HLCS: variants seen among roughly 807,000 people sequenced by gnomAD.
HLCS encodes the protein holocarboxylase synthetase, also known as biotin--protein ligase.
Under a neutral mutation model 75.0 loss-of-function variants are expected in HLCS, and 53 were observed. The observed-to-expected ratio is 0.71, with a 90% CI of 0.57 to 0.89. The LOEUF (loss-of-function observed/expected upper bound fraction) is 0.89. Ranked by LOEUF, HLCS falls within the 40% of genes least tolerant of loss-of-function variation. The pLI is 0.00. For missense variants in HLCS, 966 were observed against 1,074.0 expected, an observed-to-expected ratio of 0.90 and a Z score of 1.41; for synonymous variants, 431 against 428.6, an observed-to-expected ratio of 1.01 and a Z score of -0.07.
intron 5 of HLCS, among the ~76,000 whole-genome samples, chr21:36,898,038 G>A (rs2078188762): frequency 6.6e-6 from 1 of 152,208 alleles, no homozygotes; most frequent in Non-Finnish European, 1.5e-5. Flanking sequence ...CTACAGAGTA[G>A]TGGCATCAGA....
intron 1 of HLCS, among the ~76,000 whole-genome samples, chr21:36,988,192 T>C (rs2069264447): frequency 6.6e-6 from 1 of 152,190 alleles, no homozygotes; most frequent in Admixed American, 6.5e-5. Context: ...ATCCACCCAC[T>C]GCAAGTAGCC....
chr21:36,865,570 T>C (rs2063526666), intron 6 of HLCS, among the ~76,000 whole-genome samples: 1 of 152,194 alleles, frequency 6.6e-6, no homozygotes, highest in East Asian at 1.9e-4. Flanking sequence ...CTGCCTCTCC[T>C]AAACATACCC....
rs1016000394 is a variant in HLCS, at chr21:36,890,352, T to A, written c.1892+6508A>T. On this transcript the variant is annotated intron_variant, in intron 6 of 10. Coordinates refer to ENST00000674895, the MANE Select transcript of HLCS (RefSeq NM_001352514.2). ...CAGAGAAAATGACTGGAGCCCAGGA[T>A]AAAGGATGAAATCACGTTTTCTAAG... Among the ~76,000 whole-genome samples the A allele has an allele frequency of 5.9e-5, 9 of 152,202 alleles. No individual in the cohort carries two copies. The South Asian group carries it at 1.7e-3, about 28-fold the overall frequency.
chr21:36,902,411 T>A (rs946745647), intron 5 of HLCS, among the ~76,000 whole-genome samples: 1 of 152,098 alleles, frequency 6.6e-6, no homozygotes, highest in African/African-American at 2.4e-5. Flanking sequence ...CCCATAGGGA[T>A]GGGGGTGGCT....
At position 36,750,471 on chromosome 21, in the gene HLCS, G is replaced by T. The variant is rs1006676970; in HGVS notation, c.*3775C>A. 2.6e-5 allele frequency among the ~76,000 whole-genome samples: 4 copies of T among 152,106 alleles called. No homozygotes were observed. The highest frequency in any genetic ancestry group is 5.9e-5 in the Non-Finnish European group (4 of 68,018). On this transcript the variant is annotated 3_prime_UTR_variant, in exon 11 of 11. Coordinates refer to ENST00000674895, the MANE Select transcript of HLCS (RefSeq NM_001352514.2). ...GTATCTGCAAGAGCCTGTATTTTCC[G>T]CCTCCCTTGCCCCCACTCCTTTTAT...
intron 6 of HLCS, among the ~76,000 whole-genome samples, chr21:36,890,310 T>C (rs1229713163): frequency 6.6e-6 from 1 of 152,192 alleles, no homozygotes; most frequent in African/African-American, 2.4e-5. Flanking sequence ...AAGCAATTCA[T>C]GGTCGGGAAG....
chr21:36,875,437 C>T (rs954170794), intron 6 of HLCS, among the ~76,000 whole-genome samples: 8 of 152,362 alleles, frequency 5.3e-5, no homozygotes, highest in Admixed American at 1.3e-4. Flanking sequence ...ACACTCTCCT[C>T]TGGAAGACCC....
At chr21:36,760,271 GC>G (rs1423759911) in intron 8 of HLCS, among the ~76,000 whole-genome samples, 1 of 152,072 alleles carries the variant, frequency 6.6e-6, no homozygotes, top group East Asian at 1.9e-4. Context: ...GACAAAGATG[GC>G]CCTGAATTAA....
intron 6 of HLCS, among the ~76,000 whole-genome samples, chr21:36,829,496 T>C (rs2062123002): frequency 6.6e-6 from 1 of 152,210 alleles, no homozygotes; most frequent in South Asian, 2.1e-4. Context: ...GAATGCATAA[T>C]ATACAGGTAT....
At chr21:36,900,288 G>A (rs192238325) in intron 5 of HLCS, among the ~76,000 whole-genome samples, 2 of 152,298 alleles carry the variant, frequency 1.3e-5, no homozygotes, top group Non-Finnish European at 2.9e-5. Flanking sequence ...GGAAAGGCCT[G>A]GAGCAAGTGA....
chr21:36,988,433 G>A (rs558437740), intron 1 of HLCS, among the ~76,000 whole-genome samples: 1 of 152,226 alleles, frequency 6.6e-6, no homozygotes, highest in South Asian at 2.1e-4. Flanking sequence ...ATGTACCAGG[G>A]TTTATTCACC....
intron 6 of HLCS, among the ~76,000 whole-genome samples, chr21:36,828,022 C>T (rs2062069250): frequency 6.6e-6 from 1 of 152,024 alleles, no homozygotes; most frequent in Non-Finnish European, 1.5e-5. Flanking sequence ...ACCGTGTTAG[C>T]CAGGATGGTC....
intron 6 of HLCS, among the ~76,000 whole-genome samples, chr21:36,870,788 G>T (rs1184942459): frequency 6.6e-6 from 1 of 152,164 alleles, no homozygotes; most frequent in African/African-American, 2.4e-5. Flanking sequence ...ACTAAGAGAA[G>T]AAAATGTTCC....
intron 6 of HLCS, among the ~76,000 whole-genome samples, chr21:36,788,246 C>CA (rs892056392): frequency 6.6e-6 from 1 of 152,216 alleles, no homozygotes; most frequent in Non-Finnish European, 1.5e-5. Flanking sequence ...AGCTGATGGG[C>CA]ACACCTCACT....
intron 6 of HLCS, among the ~76,000 whole-genome samples, chr21:36,857,693 A>G (rs544982762): frequency 6.6e-6 from 1 of 152,224 alleles, no homozygotes; most frequent in South Asian, 2.1e-4. Flanking sequence ...GGCTTCATCC[A>G]AGCTCCCCTC....
At chr21:36,802,692 CAAG>C (rs533812870) in intron 6 of HLCS, among the ~76,000 whole-genome samples, 135 of 152,268 alleles carry the variant, frequency 8.9e-4, no homozygotes, top group Non-Finnish European at 1.6e-3. Context: ...TACTGAACTT[CAAG>C]AAGAACAGAG....
chr21:36,891,538 A>C (rs1338991575), intron 6 of HLCS, among the ~76,000 whole-genome samples: 2 of 152,200 alleles, frequency 1.3e-5, no homozygotes, highest in Non-Finnish European at 2.9e-5. Context: ...GCAAAGACAC[A>C]GGTCTCACAG....
At chr21:36,793,029 G>C (rs1010011537) in intron 6 of HLCS, among the ~76,000 whole-genome samples, 3 of 152,214 alleles carry the variant, frequency 2.0e-5, no homozygotes, top group Non-Finnish European at 4.4e-5. Flanking sequence ...AGCTGCATCT[G>C]TGGTCCTCCA....
intron 6 of HLCS, among the ~76,000 whole-genome samples, chr21:36,785,023 G>A (rs960499789): frequency 3.3e-5 from 5 of 152,078 alleles, no homozygotes; most frequent in Non-Finnish European, 5.9e-5. Flanking sequence ...AGCTCCACCC[G>A]GCCACTTGGG....
Sources: gnomAD v4.1 joint callset for allele counts (sites outside exome capture counted in the v4.1 genomes callset) on GRCh38, gnomAD v4.1.1 for gene constraint, MANE v1.5 for transcripts, NCBI Gene and HGNC (gene_info 2026-07-23, HGNC 2026-07-21) for gene names.